The following SOBP variants were observed in gnomAD, a reference collection of about 807,000 sequenced individuals.
SOBP encodes the protein sine oculis-binding protein homolog.
A neutral mutation model predicts 53.6 loss-of-function variants in SOBP; 4 were observed. The observed-to-expected ratio is 0.07, with a 90% CI of 0.04 to 0.17. SOBP has a LOEUF of 0.17. Among genes scored for constraint, SOBP ranks in the 10% least tolerant of loss-of-function variants. The probability of loss-of-function intolerance (pLI) is 1.00; values close to 1 mark genes in which losing one functional copy is unlikely to be tolerated. For missense variants in SOBP, 1,088 were observed against 1,204.7 expected (o/e 0.90, Z 1.43); for synonymous variants, 584 against 522.6 (o/e 1.12, Z -1.60).
At chr6:107,499,840 G>GT (rs1293819694) in intron 1 of SOBP, among the ~76,000 whole-genome samples, 3 of 151,952 alleles carry the variant, frequency 2.0e-5, no homozygotes, top group Non-Finnish European at 4.4e-5. Flanking sequence ...TCAGTGGCTT[G>GT]TTTTATTACT....
intron 1 of SOBP, among the ~76,000 whole-genome samples, chr6:107,496,252 C>T (rs1157125127): frequency 1.3e-5 from 2 of 152,182 alleles, no homozygotes; most frequent in East Asian, 3.8e-4. Flanking sequence ...AAAGACACAG[C>T]TGCACACAGC....
At chr6:107,646,111 A>G (rs1272913916) in intron 6 of SOBP, among the ~76,000 whole-genome samples, 2 of 152,258 alleles carry the variant, frequency 1.3e-5, no homozygotes, top group Non-Finnish European at 2.9e-5. Context: ...AAAGACTGAC[A>G]TTGCTAAAGC....
At chr6:107,517,970 A>G (rs1783369028) in intron 3 of SOBP, among the ~76,000 whole-genome samples, 1 of 152,186 alleles carries the variant, frequency 6.6e-6, no homozygotes, top group South Asian at 2.1e-4. Flanking sequence ...TGAATTCGCC[A>G]TAGTGCAATA....
intron 4 of SOBP, among the ~76,000 whole-genome samples, chr6:107,579,104 T>C (rs1395797776): frequency 6.6e-6 from 1 of 152,202 alleles, no homozygotes; most frequent in Non-Finnish European, 1.5e-5. Flanking sequence ...TTGTTTCCCC[T>C]CACTGTGTCC....
At chr6:107,625,512 C>T (rs1039463543) in intron 5 of SOBP, among the ~76,000 whole-genome samples, 1 of 152,156 alleles carries the variant, frequency 6.6e-6, no homozygotes, top group Non-Finnish European at 1.5e-5. Flanking sequence ...AGAAAGTGGG[C>T]TAAGGTAGTG....
intron 4 of SOBP, chr6:107,558,363 G>A (rs1203515391): frequency 6.6e-6 from 1 of 151,762 alleles, no homozygotes; most frequent in African/African-American, 2.4e-5. Context: ...CCGTCTCCTG[G>A]GTTCAAGCAG....
chr6:107,634,278 G>C lies in SOBP; in HGVS notation c.1434G>C (p.Pro478=). 1 of 1,414,328 alleles carries C rather than the reference G, an allele frequency of 7.1e-7. No individual in the cohort carries two copies. Among genetic ancestry groups the C allele is most frequent in the South Asian group, 1.7e-5 (1 of 60,142 alleles). The allele number at this position is 1,414,328 out of a possible 1,614,324, so 87.6% of individuals were successfully genotyped here. Residue 478 remains proline (P), a synonymous_variant, in exon 6 of 7, where the codon CCG becomes CCC. Transcript: ENST00000317357. The surrounding 1 kb of genome is among the most constrained non-coding windows in gnomAD (Gnocchi z 4.5). ...MPGNPPGLLP[P]PPPGAPLPSL... ...GGAACCCCCCAGGCCTGCTGCCCCC[G>C]CCGCCTCCGGGCGCCCCGCTGCCGA...
chr6:107,533,640 C>A (rs1783908911), intron 4 of SOBP, 30 bp downstream of exon 4: 1 of 1,613,694 alleles, frequency 6.2e-7, no homozygotes, highest in South Asian at 1.1e-5. Context: ...AGGCGGCCCC[C>A]CACAGGCCTC....
In SOBP at chr6:107,490,254, C is replaced by CCGGCGGCGGCGGCGGCGGGAG. The variant is rs1782539048; in HGVS notation, c.-358_-338dup. The stretch of plus-strand genomic sequence containing the variant: ...CTCCACGGGGCCCCGAGGATGCGGC[C>CCGGCGGCGGCGGCGGCGGGAG]CGGCGGCGGCGGCGGCGGGAGCGGC... On this transcript the variant is annotated 5_prime_UTR_variant, in exon 1 of 7. Transcript: ENST00000317357. 6.7e-6 allele frequency: 1 copy of CCGGCGGCGGCGGCGGCGGGAG among 148,370 alleles called. No homozygotes were observed. The highest frequency in any genetic ancestry group is 6.8e-5 in the Admixed American group (1 of 14,808). The allele number at this position is 148,370 out of a possible 1,614,324, so 9.2% of individuals were successfully genotyped here.
intron 4 of SOBP, among the ~76,000 whole-genome samples, chr6:107,541,784 A>T (rs1460576271): frequency 6.6e-6 from 1 of 152,208 alleles, no homozygotes; most frequent in African/African-American, 2.4e-5. Context: ...TCTTTGAAGG[A>T]TGTGACACTT....
intron 6 of SOBP, among the ~76,000 whole-genome samples, chr6:107,653,447 A>G (rs1484015683): frequency 6.6e-6 from 1 of 152,236 alleles, no homozygotes; most frequent in Non-Finnish European, 1.5e-5. Context: ...GTGATAAGTG[A>G]TGGGCAGACG....
intron 4 of SOBP, among the ~76,000 whole-genome samples, chr6:107,559,813 A>T (rs945323617): frequency 6.6e-6 from 1 of 152,064 alleles, no homozygotes; most frequent in East Asian, 2.0e-4. Flanking sequence ...TTTAATACAC[A>T]TGTAGTTTGT....
At chr6:107,568,744 T>C (rs1265939758) in intron 4 of SOBP, among the ~76,000 whole-genome samples, 1 of 152,200 alleles carries the variant, frequency 6.6e-6, no homozygotes, top group Non-Finnish European at 1.5e-5. Flanking sequence ...TAATCCTATA[T>C]TGTAATTCTT....
At position 107,620,408 on chromosome 6, in the gene SOBP, A is replaced by G. The variant is rs186351505; in HGVS notation, c.670-13106A>G. Among the ~76,000 whole-genome samples the G allele has an allele frequency of 1.3e-4, 20 of 152,246 alleles. No homozygotes were observed. The East Asian group carries it at 2.1e-3, about 16-fold the overall frequency. On this transcript the variant is annotated intron_variant, in intron 5 of 6. Transcript: ENST00000317357. Reference sequence around the variant, plus strand: ...GTCTCTTGGCATTATATTGATTCCAAACTTCCCAAATAAGAACATCTAATT... The same window carrying G: ...GTCTCTTGGCATTATATTGATTCCAGACTTCCCAAATAAGAACATCTAATT...
At position 107,623,320 on chromosome 6, in the gene SOBP, C is replaced by T. The variant is rs367752918; in HGVS notation, c.670-10194C>T. On this transcript the variant is annotated intron_variant, in intron 5 of 6. Coordinates refer to ENST00000317357, the MANE Select transcript of SOBP (RefSeq NM_018013.4). The stretch of plus-strand genomic sequence containing the variant: ...CCAAGTTAATAAAAGGAGCTAGTAA[C>T]GCTATGTTCATAGAAGGAAAAAGAA... Among the ~76,000 whole-genome samples, 34 of 152,182 alleles carry T rather than the reference C, an allele frequency of 2.2e-4. No individual in the cohort carries two copies. In the South Asian group the frequency reaches 4.8e-3, roughly 21 times the overall value.
intron 3 of SOBP, among the ~76,000 whole-genome samples, chr6:107,527,057 A>C (rs556902474): frequency 1.3e-5 from 2 of 152,300 alleles, no homozygotes; most frequent in East Asian, 3.9e-4. Flanking sequence ...AAGTTCAATA[A>C]AATTTTATTT....
At chr6:107,559,638 C>T (rs1028485837) in intron 4 of SOBP, among the ~76,000 whole-genome samples, 3 of 152,192 alleles carry the variant, frequency 2.0e-5, no homozygotes, top group Non-Finnish European at 2.9e-5. Flanking sequence ...TTACACAAAA[C>T]GTTTGCAGAT....
chr6:107,526,050 C>T (rs978861202), intron 3 of SOBP, among the ~76,000 whole-genome samples: 6 of 152,150 alleles, frequency 3.9e-5, no homozygotes, highest in Non-Finnish European at 7.4e-5. Flanking sequence ...CAGGTTCAAG[C>T]GATTCTCCTG....
chr6:107,617,860 C>T (rs1018093984), intron 5 of SOBP, among the ~76,000 whole-genome samples: 1 of 127,496 alleles, frequency 7.8e-6, no homozygotes, highest in Non-Finnish European at 1.6e-5. Flanking sequence ...GACGGAGTCT[C>T]TCTGTCGCAC....
Sources: allele counts gnomAD v4.1 joint callset (sites outside exome capture counted in the v4.1 genomes callset), GRCh38; gene constraint gnomAD v4.1.1; non-coding constraint Gnocchi (gnomAD v3.1); transcripts MANE v1.5; gene names NCBI Gene and HGNC (gene_info 2026-07-23, HGNC 2026-07-21).